CHM: variants seen among roughly 807,000 people sequenced by gnomAD.
CHM encodes the protein CHM Rab escort protein, also known as rab proteins geranylgeranyltransferase component A 1.
Under a neutral mutation model 49.0 loss-of-function variants are expected in CHM, and 10 were observed. The ratio of observed to expected loss-of-function variants is 0.20; its 90% CI spans 0.13 to 0.35. CHM has a LOEUF of 0.35. Ranked by LOEUF, CHM falls within the 10% of genes least tolerant of loss-of-function variation. The probability of loss-of-function intolerance (pLI) is 1.00; values close to 1 mark genes in which losing one functional copy is unlikely to be tolerated. For missense variants in CHM, 455 were observed against 478.4 expected (o/e 0.95, Z 0.46); for synonymous variants, 184 against 167.5 (o/e 1.10, Z -0.76).
chrX:86,007,787 G>A (rs1469073201), intron 2 of CHM, among the ~76,000 whole-genome samples: 2 of 112,208 alleles, frequency 1.8e-5, no homozygotes, highest in African/African-American at 6.5e-5. Context: ...GGAGAAACAG[G>A]AACGCTTTTA....
At chrX:85,963,083 G>T (rs1339473451) in intron 5 of CHM, among the ~76,000 whole-genome samples, 2 of 111,016 alleles carry the variant, frequency 1.8e-5, no homozygotes, top group African/African-American at 6.6e-5. Context: ...ACACGCCATG[G>T]TGTTTTGCTG....
chrX:85,972,884 G>A (rs1214306894), intron 4 of CHM, among the ~76,000 whole-genome samples: 3 of 112,504 alleles, frequency 2.7e-5, no homozygotes, highest in Non-Finnish European at 3.8e-5. Context: ...GAGAGCAAGC[G>A]AGGGCTCTGA....
At chrX:85,892,644 G>A (rs756893826) in intron 12 of CHM, among the ~76,000 whole-genome samples, 1 of 110,955 alleles carries the variant, frequency 9.0e-6, no homozygotes, top group Non-Finnish European at 1.9e-5. Flanking sequence ...CATGAAAAGG[G>A]ACTAATACAC....
At chrX:85,868,373 A>T (rs1165678611) in intron 14 of CHM, among the ~76,000 whole-genome samples, 1 of 110,666 alleles carries the variant, frequency 9.0e-6, no homozygotes, top group Admixed American at 9.7e-5. Flanking sequence ...AACATTACAG[A>T]TGCCTGTCTT....
At chrX:85,879,970 G>C (rs1202991393) in intron 12 of CHM, among the ~76,000 whole-genome samples, 1 of 109,812 alleles carries the variant, frequency 9.1e-6, no homozygotes, top group Non-Finnish European at 1.9e-5. Flanking sequence ...TAAACTCCAG[G>C]AAGATAGTTC....
At chrX:85,958,672 G>GC (rs1198595068) in intron 6 of CHM, among the ~76,000 whole-genome samples, 189 bp downstream of exon 6, 1 of 111,843 alleles carries the variant, frequency 8.9e-6, no homozygotes, top group Non-Finnish European at 1.9e-5. Flanking sequence ...CCAACACCAA[G>GC]CTGCAGAGTA....
At chrX:85,983,409 G>A (rs989848770) in intron 2 of CHM, among the ~76,000 whole-genome samples, 55 of 110,527 alleles carry the variant, frequency 5.0e-4, no homozygotes, top group African/African-American at 1.6e-3. Flanking sequence ...GGTGGGTGAT[G>A]GCAGGTATAG....
chrX:85,875,271 T>C (rs1924341356), intron 13 of CHM, among the ~76,000 whole-genome samples: 1 of 111,735 alleles, frequency 8.9e-6, no homozygotes, highest in Non-Finnish European at 1.9e-5. Context: ...AGAAAAAGAA[T>C]ATGCAGTTGT....
intron 8 of CHM, among the ~76,000 whole-genome samples, chrX:85,949,457 C>T (rs1929606364): frequency 9.0e-6 from 1 of 111,076 alleles, no homozygotes; most frequent in Non-Finnish European, 1.9e-5. Context: ...CTAAGCTCCA[C>T]AGGAGTGAGT....
rs2148126393 is a variant in CHM at position 85,878,993 on chromosome X, C to T, written c.1581G>A (p.Leu527=). 4 of 1,201,250 alleles carry T rather than the reference C, an allele frequency of 3.3e-6. No homozygotes were observed. Among genetic ancestry groups the T allele is most frequent in the Non-Finnish European group, 4.5e-6 (4 of 887,586 alleles). Residue 527 remains leucine (L), a synonymous_variant, in exon 13 of 15, where the codon TTG becomes TTA. Coordinates refer to ENST00000357749, the MANE Select transcript of CHM (RefSeq NM_000390.4). ...TCTCCATTTCAGTATATGGAACAAA[C>T]AATTTCTGCACAACTGATTCTAAAT... is the stretch of plus-strand genomic sequence containing the variant. ...REDLESVVQK[L]FVPYTEMEIE...
chrX:86,021,342 T>C (rs1933597709), intron 2 of CHM, among the ~76,000 whole-genome samples: 1 of 107,377 alleles, frequency 9.3e-6, no homozygotes, highest in South Asian at 4.1e-4. Flanking sequence ...GATTAGTTGA[T>C]TTAATCCCAT....
intron 13 of CHM, among the ~76,000 whole-genome samples, chrX:85,874,872 A>G (rs1395818700): frequency 2.7e-5 from 3 of 111,795 alleles, no homozygotes; most frequent in African/African-American, 9.7e-5. Flanking sequence ...TTATGGGAAG[A>G]TACTTAAATG....
rs772292897 is a variant in CHM at position 85,964,458 on chromosome X, C to G, written c.315-406G>C. 6.3e-5 allele frequency among the ~76,000 whole-genome samples: 7 copies of G among 110,507 alleles called. No homozygotes were observed. The South Asian group carries it at 1.6e-3, about 25-fold the overall frequency. ...CCTCTCTGAGACCACCTAAATTACC[C>G]ATCTATGACACAGAGATAATACCAC... On this transcript the variant is annotated intron_variant, in intron 4 of 14. Transcript: ENST00000357749.
chrX:85,915,578 C>T (rs1437875797), intron 8 of CHM, among the ~76,000 whole-genome samples: 1 of 112,203 alleles, frequency 8.9e-6, no homozygotes, highest in African/African-American at 3.2e-5. Flanking sequence ...GTTTCTTAAG[C>T]TAATAAACAA....
intron 4 of CHM, chrX:85,971,533 G>C (rs1358826470): frequency 5.6e-6 from 1 of 177,074 alleles, no homozygotes; most frequent in Admixed American, 5.0e-5. Context: ...GGGCGCAGGA[G>C]TGAAGCTGCA....
chrX:86,008,270 T>C (rs1425507548), intron 2 of CHM, among the ~76,000 whole-genome samples: 1 of 110,678 alleles, frequency 9.0e-6, no homozygotes, highest in Non-Finnish European at 1.9e-5. Context: ...GGTGGGGGGC[T>C]GGGGGAAGAA....
intron 8 of CHM, among the ~76,000 whole-genome samples, chrX:85,934,279 CTT>C (rs769967072): frequency 1.4e-4 from 10 of 71,242 alleles, no homozygotes; most frequent in African/African-American, 2.8e-4. Flanking sequence ...TGCGCTCAGC[CTT>C]TTTTTTTTTT....
At chrX:85,954,484 C>T (rs763180486) in intron 8 of CHM, among the ~76,000 whole-genome samples, 7 of 111,751 alleles carry the variant, frequency 6.3e-5, no homozygotes, top group African/African-American at 1.9e-4. Context: ...CCACATTTGT[C>T]GCAGCACTGT....
At chrX:85,935,838 T>C (rs1350673862) in intron 8 of CHM, among the ~76,000 whole-genome samples, 2 of 112,051 alleles carry the variant, frequency 1.8e-5, no homozygotes, top group Non-Finnish European at 3.8e-5. Context: ...CATGAAGAGA[T>C]CCAGAAATAA....
Sources: gnomAD v4.1 joint callset for allele counts (sites outside exome capture counted in the v4.1 genomes callset) on GRCh38, gnomAD v4.1.1 for gene constraint, MANE v1.5 for transcripts, NCBI Gene and HGNC (gene_info 2026-07-23, HGNC 2026-07-21) for gene names.